WNK1: variants seen among roughly 807,000 people sequenced by gnomAD.
WNK1 encodes serine/threonine-protein kinase WNK1.
Under a neutral mutation model 222.8 loss-of-function variants are expected in WNK1, and 38 were observed. The ratio of observed to expected loss-of-function variants is 0.17; its 90% CI spans 0.13 to 0.22. The LOEUF (loss-of-function observed/expected upper bound fraction) is 0.22. WNK1 is among the 10% of genes least tolerant of loss of function. The probability of loss-of-function intolerance (pLI) is 1.00; values close to 1 mark genes in which losing one functional copy is unlikely to be tolerated. For missense variants in WNK1, 2,348 were observed against 2,918.4 expected, an observed-to-expected ratio of 0.80 and a Z score of 4.50; for synonymous variants, 1,090 against 1,092.9, an observed-to-expected ratio of 1.00 and a Z score of 0.05.
intron 1 of WNK1, among the ~76,000 whole-genome samples, chr12:811,889 A>G (rs1177832124): frequency 1.3e-5 from 2 of 152,222 alleles, no homozygotes; most frequent in Non-Finnish European, 2.9e-5. Context: ...AATAAATAAT[A>G]CTTTTCAGAA....
chr12:789,592 A>G (rs1302888619), intron 1 of WNK1, among the ~76,000 whole-genome samples: 1 of 141,220 alleles, frequency 7.1e-6, no homozygotes, highest in Non-Finnish European at 1.5e-5. Flanking sequence ...ACTGGAATGC[A>G]GTGATTCAAT....
chr12:807,002 A>G lies in WNK1; in HGVS notation c.760-6640A>G, dbSNP rs1478608634. Among the ~76,000 whole-genome samples, 3 of 152,204 alleles carry G rather than the reference A, an allele frequency of 2.0e-5. No homozygotes were observed. In the East Asian group the frequency reaches 5.8e-4, roughly 29 times the overall value. ...AATCTTCTCGCTGGGCTTCTGGGCT[A>G]GATCTCCCTATAAATTTGAAATAGT... is the stretch of plus-strand genomic sequence containing the variant. On this transcript the variant is annotated intron_variant, in intron 1 of 27. Coordinates refer to ENST00000315939, the MANE Select transcript of WNK1 (RefSeq NM_018979.4).
At chr12:886,387 A>G (rs545955876) in intron 19 of WNK1, among the ~76,000 whole-genome samples, 3 of 152,300 alleles carry the variant, frequency 2.0e-5, no homozygotes, top group East Asian at 3.9e-4. Context: ...TGTATCCCAA[A>G]AGGGAGCTAA....
intron 1 of WNK1, among the ~76,000 whole-genome samples, chr12:785,588 G>A (rs1233212260): frequency 2.6e-5 from 4 of 152,012 alleles, no homozygotes; most frequent in East Asian, 3.9e-4. Flanking sequence ...TAGTAGAGAC[G>A]GGGTTTCACC....
chr12:864,132 G>A (rs1398397397), intron 8 of WNK1, among the ~76,000 whole-genome samples: 4 of 104,324 alleles, frequency 3.8e-5, no homozygotes, highest in Non-Finnish European at 6.1e-5. Flanking sequence ...TTTTTTGACA[G>A]CGTCTCACTC....
In WNK1 at chr12:771,686, C is replaced by T. The variant is rs532996902; in HGVS notation, c.759+17362C>T. Among the ~76,000 whole-genome samples the T allele has an allele frequency of 5.4e-4, 82 of 152,296 alleles. 1 individual carries two copies. Among genetic ancestry groups the T allele is most frequent in the African/African-American group, 1.7e-3 (69 of 41,552 alleles). ...CTGACCTCAGGTGATCTGCCCGCCT[C>T]GGCCTCCCAAAGTGTTGGGATTACA... On this transcript the variant is annotated intron_variant, in intron 1 of 27. Transcript: ENST00000315939.
At chr12:890,595 C>T (rs904366127) in intron 22 of WNK1, 82 bp downstream of exon 22, 6 of 1,451,252 alleles carry the variant, frequency 4.1e-6, no homozygotes, top group African/African-American at 2.8e-5. Context: ...GTTTCAAAGA[C>T]ACATTTCCAC....
Position 753,727 on chromosome 12 carries a change from C to T in WNK1, c.162C>T (p.Tyr54=), listed in dbSNP as rs1939534307. Reference sequence around the variant, plus strand: ...CTGTGACCGGCAGGACCGAGGAGTACAGGCGCCGCCGCCACACTATGGACA... The same window carrying T: ...CTGTGACCGGCAGGACCGAGGAGTATAGGCGCCGCCGCCACACTATGGACA... ...ADAVTGRTEE[Y]RRRRHTMDKD... is the part of the protein sequence containing the mutation. The change falls in exon 1 of 28, where the codon TAC becomes TAT. Residue 54 remains tyrosine, a synonymous_variant. Transcript: ENST00000315939. This position sits in a 1 kb window ranked among gnomAD's most constrained non-coding sequence, Gnocchi z 5.2. 1 of 1,612,076 alleles carries T rather than the reference C, an allele frequency of 6.2e-7. No homozygotes were observed. The highest frequency in any genetic ancestry group is 8.5e-7 in the Non-Finnish European group (1 of 1,179,820).
chr12:882,201 A>AT (rs869267090), intron 14 of WNK1, 128 bp downstream of exon 14: 45,537 of 866,718 alleles, frequency 0.053, 168 homozygotes, highest in Middle Eastern at 0.062. Flanking sequence ...GTGACAGATA[A>AT]TTTTTTTTTT....
intron 7 of WNK1, 64 bp from the exon 8 acceptor site, chr12:862,019 G>A (rs998643263): frequency 1.0e-5 from 16 of 1,585,558 alleles, no homozygotes; most frequent in Middle Eastern, 2.1e-4. Context: ...GAGAAAATGT[G>A]AACCTCCATT....
At position 850,768 on chromosome 12, in the gene WNK1, A is replaced by G. The variant is rs184487062; in HGVS notation, c.1312-6393A>G. On this transcript the variant is annotated intron_variant, in intron 4 of 27. Transcript: ENST00000315939. Reference sequence around the variant, plus strand: ...TGTATGAGGTGTAAGGAAGGGATCCAGTTTCAGCTTTCTACATATGGCTAG... The same window carrying G: ...TGTATGAGGTGTAAGGAAGGGATCCGGTTTCAGCTTTCTACATATGGCTAG... Among the ~76,000 whole-genome samples, 15 of 152,346 alleles carry G rather than the reference A, an allele frequency of 9.8e-5. 1 individual carries two copies. The East Asian group carries it at 2.7e-3, about 27-fold the overall frequency.
At chr12:900,009 T>C (rs1413773338) in intron 25 of WNK1, among the ~76,000 whole-genome samples, 1 of 82,322 alleles carries the variant, frequency 1.2e-5, no homozygotes, top group Non-Finnish European at 2.4e-5. Context: ...TACCTATGGA[T>C]TCTTTTCTTT....
intron 2 of WNK1, among the ~76,000 whole-genome samples, chr12:820,766 A>G (rs1318770102): frequency 2.6e-5 from 4 of 152,090 alleles, no homozygotes; most frequent in Non-Finnish European, 2.9e-5. Context: ...GTGTGCCACC[A>G]CACCTAGCCA....
chr12:865,290 A>G, intron 8 of WNK1: 1 of 1,536,064 alleles, frequency 6.5e-7, no homozygotes, highest in South Asian at 1.2e-5. Flanking sequence ...AGCATTGGAG[A>G]GTGTCCTGCC....
chr12:876,313 G>A (rs888427909), intron 9 of WNK1, among the ~76,000 whole-genome samples: 2 of 152,120 alleles, frequency 1.3e-5, no homozygotes, highest in Non-Finnish European at 2.9e-5. Context: ...GGAGGCTGAG[G>A]CAGGAGAATG....
In WNK1 at chr12:862,209, A is replaced by C; in HGVS notation, c.2078A>C (p.His693Pro). The C allele has an allele frequency of 6.2e-7, 1 of 1,614,142 alleles. No homozygotes were observed. The change falls in exon 8 of 28, where the codon CAT becomes CCT. Residue 693 changes from histidine (H) to proline (P), a missense_variant. His to Pro is a moderately conservative substitution (Grantham distance 77, BLOSUM62 -2). Coordinates refer to ENST00000315939, the MANE Select transcript of WNK1 (RefSeq NM_018979.4). ...QAHSTGTVPG[H>P]IPSTVQAQSQ... is the part of the protein sequence containing the mutation. ...CATTCTACAGGCACAGTCCCAGGGC[A>C]TATACCTTCTACTGTCCAAGCACAG...
chr12:766,533 C>G (rs1941715650), intron 1 of WNK1, among the ~76,000 whole-genome samples: 1 of 151,914 alleles, frequency 6.6e-6, no homozygotes, highest in South Asian at 2.1e-4. Flanking sequence ...GGCTGGAGTG[C>G]AGTGGCATGA....
chr12:874,520 G>C (rs973905703), intron 9 of WNK1, among the ~76,000 whole-genome samples: 1 of 152,098 alleles, frequency 6.6e-6, no homozygotes, highest in Non-Finnish European at 1.5e-5. Flanking sequence ...GCTCATTTTT[G>C]ACAGTCCTTT....
chr12:768,220 C>T (rs911916272), intron 1 of WNK1, among the ~76,000 whole-genome samples: 3 of 152,188 alleles, frequency 2.0e-5, no homozygotes, highest in Non-Finnish European at 4.4e-5. Context: ...ACTGCAACCT[C>T]CATCTCCCGG....
Sources: gnomAD v4.1 joint callset for allele counts (sites outside exome capture counted in the v4.1 genomes callset) on GRCh38, gnomAD v4.1.1 for gene constraint, Gnocchi (gnomAD v3.1) non-coding constraint, MANE v1.5 for transcripts, NCBI Gene and HGNC (gene_info 2026-07-23, HGNC 2026-07-21) for gene names.